Variants in AKAP9 observed in about 807,000 individuals in gnomAD.
The protein encoded by AKAP9 is A-kinase anchoring protein 9, also known as A-kinase anchor protein 9.
AKAP9 carries 311 observed loss-of-function variants against 488.5 expected under a neutral mutation model. That is an observed-to-expected ratio of 0.64 (90% CI 0.58 to 0.70). The LOEUF (loss-of-function observed/expected upper bound fraction) is 0.70. Among genes scored for constraint, AKAP9 ranks in the 30% least tolerant of loss-of-function variants. The pLI is 0.00. For synonymous variants in AKAP9, 1,462 were observed against 1,483.5 expected (o/e 0.99, Z 0.33); for missense variants, 4,215 against 4,374.5 (o/e 0.96, Z 1.03).
chr7:91,971,962 G>A (rs1382025203), intron 1 of AKAP9, among the ~76,000 whole-genome samples: 1 of 109,546 alleles, frequency 9.1e-6, no homozygotes, highest in East Asian at 2.3e-4. Flanking sequence ...TGCTCATAGA[G>A]TCTTTTATGT....
intron 8 of AKAP9, among the ~76,000 whole-genome samples, chr7:92,006,560 C>T (rs1799892866): frequency 6.6e-6 from 1 of 152,086 alleles, no homozygotes; most frequent in South Asian, 2.1e-4. Flanking sequence ...AACTTCCTGC[C>T]CGTTCATCAT....
Position 92,012,576 on chromosome 7 carries a change from G to A in AKAP9, c.3466G>A (p.Glu1156Lys). ...LKEELIFAQE[E>K]KIKELQKIHQ... ...AGAAGAGCTTATTTTTGCTCAAGAGGAAAAGATCAAGGAACTTCAGAAAAT... is the reference window on the plus strand; with the variant it reads ...AGAAGAGCTTATTTTTGCTCAAGAGAAAAAGATCAAGGAACTTCAGAAAAT... The change falls in exon 9 of 50, where the codon GAA becomes AAA. Residue 1156 changes from glutamate (E) to lysine (K), a missense_variant. By Grantham distance (56) the Glu-to-Lys change is moderately conservative. Coordinates refer to ENST00000356239, the MANE Select transcript of AKAP9 (RefSeq NM_005751.5). 6.2e-7 allele frequency: 1 copy of A among 1,613,658 alleles called. No homozygotes were observed. The highest frequency in any genetic ancestry group is 8.5e-7 in the Non-Finnish European group (1 of 1,179,838).
chr7:92,097,831 T>C (rs1481725000), intron 42 of AKAP9, 37 bp downstream of exon 42: 21 of 1,603,646 alleles, frequency 1.3e-5, no homozygotes, highest in Non-Finnish European at 1.8e-5. Flanking sequence ...GAAAGTAGTA[T>C]TCTTAGGCTG....
At chr7:91,996,700 A>C (rs986856951) in intron 7 of AKAP9, among the ~76,000 whole-genome samples, 1 of 152,212 alleles carries the variant, frequency 6.6e-6, no homozygotes, top group African/African-American at 2.4e-5. Context: ...GAACTCACAA[A>C]TATGGAATCT....
At chr7:92,016,076 A>G (rs1253303298) in intron 10 of AKAP9, 53 bp from the exon 11 acceptor site, 6 of 1,461,484 alleles carry the variant, frequency 4.1e-6, no homozygotes. Flanking sequence ...TAATCTTTAG[A>G]AGCAGAAATC....
chr7:92,014,788 T>A (rs1370127521), intron 10 of AKAP9, among the ~76,000 whole-genome samples: 3 of 152,226 alleles, frequency 2.0e-5, no homozygotes, highest in Non-Finnish European at 4.4e-5. Context: ...TAACTTAAAA[T>A]GAGCATTAAA....
chr7:92,005,385 G>A (rs554766260), intron 8 of AKAP9, among the ~76,000 whole-genome samples: 13 of 152,090 alleles, frequency 8.5e-5, no homozygotes, highest in South Asian at 2.1e-4. Flanking sequence ...GTAAAGACAC[G>A]GGTAAGTTTA....
rs368972588 is a variant in AKAP9, at chr7:91,970,191, GAAAA to G, written c.49-3514_49-3511del. 1.9e-3 allele frequency among the ~76,000 whole-genome samples: 286 copies of G among 150,480 alleles called. 1 individual carries two copies. Among genetic ancestry groups the G allele is most frequent in the Non-Finnish European group, 3.4e-3 (229 of 67,540 alleles). ...CACAAAGAAAATAATGGAAACAAAA[GAAAA>G]AAAAACCCTCTATACTCTAACTCCA... On this transcript the variant is annotated intron_variant, in intron 1 of 49. Transcript: ENST00000356239.
At chr7:91,946,526 C>T (rs1383206137) in intron 1 of AKAP9, among the ~76,000 whole-genome samples, 8 of 152,012 alleles carry the variant, frequency 5.3e-5, no homozygotes, top group Non-Finnish European at 1.2e-4. Context: ...TGTGCACCAC[C>T]ACACCTGGCT....
intron 24 of AKAP9, among the ~76,000 whole-genome samples, chr7:92,063,859 C>T (rs939389785): frequency 6.6e-6 from 1 of 152,116 alleles, no homozygotes; most frequent in African/African-American, 2.4e-5. Context: ...CGGCTCACTG[C>T]AACCTCCGCC....
chr7:91,975,622 C>T (rs1253276571), intron 2 of AKAP9, among the ~76,000 whole-genome samples: 1 of 151,844 alleles, frequency 6.6e-6, no homozygotes, highest in Admixed American at 6.5e-5. Context: ...GTTCTTTTTT[C>T]TTTTTTGTAA....
At chr7:92,009,621 G>A (rs1316101830) in intron 8 of AKAP9, among the ~76,000 whole-genome samples, 1 of 152,114 alleles carries the variant, frequency 6.6e-6, no homozygotes, top group African/African-American at 2.4e-5. Context: ...AAGGAAAGAA[G>A]AAAGGTAAGC....
At chr7:92,094,528 C>T (rs1816203246) in intron 39 of AKAP9, among the ~76,000 whole-genome samples, 2 of 146,080 alleles carry the variant, frequency 1.4e-5, no homozygotes, top group African/African-American at 2.5e-5. Flanking sequence ...AGGGAAACTC[C>T]GTCTCAAAAA....
intron 46 of AKAP9, among the ~76,000 whole-genome samples, chr7:92,104,633 A>G (rs1818231151): frequency 6.6e-6 from 1 of 152,194 alleles, no homozygotes; most frequent in Admixed American, 6.5e-5. Context: ...CAACCAGCCC[A>G]GTCTCCCAAG....
intron 26 of AKAP9, among the ~76,000 whole-genome samples, chr7:92,067,089 T>G (rs1810889261): frequency 6.6e-6 from 1 of 152,184 alleles, no homozygotes; most frequent in Non-Finnish European, 1.5e-5. Flanking sequence ...ACTCCACTGG[T>G]CTCTCTCCTC....
intron 21 of AKAP9, 124 bp from the exon 22 acceptor site, chr7:92,052,602 G>A (rs568607449): frequency 2.0e-5 from 13 of 638,408 alleles, no homozygotes; most frequent in Non-Finnish European, 3.2e-5. Flanking sequence ...TTGTTTGGTT[G>A]CAATATTGTT....
At position 92,108,689 on chromosome 7, in the gene AKAP9, CCTTT is replaced by C. The variant is rs769836517; in HGVS notation, c.11686+61_11686+64del. 7 of 1,604,714 alleles carry C rather than the reference CCTTT, an allele frequency of 4.4e-6. No individual in the cohort carries two copies. The South Asian group carries it at 4.4e-5, about 10-fold the overall frequency. On this transcript the variant is annotated intron_variant, in intron 49 of 49. Coordinates refer to ENST00000356239, the MANE Select transcript of AKAP9 (RefSeq NM_005751.5). The stretch of plus-strand genomic sequence containing the variant: ...ACCACAGTGCGAGACCCACAGCTCC[CCTTT>C]CTTTGAAATTCTTTCACACTCATTA...
intron 3 of AKAP9, among the ~76,000 whole-genome samples, chr7:91,991,295 A>G (rs997931555): frequency 7.5e-6 from 1 of 132,592 alleles, no homozygotes; most frequent in Non-Finnish European, 1.6e-5. Context: ...CTTGATATTA[A>G]TCTTTTAATT....
rs1016444894 is a variant in AKAP9, at chr7:91,998,677, A to T, written c.931-2171A>T. Among the ~76,000 whole-genome samples the T allele has an allele frequency of 7.9e-5, 12 of 152,034 alleles. No homozygotes were observed. The South Asian group carries it at 2.5e-3, about 32-fold the overall frequency. ...GGAAACAGAAAAGTTAAATTTTGTA[A>T]CATTAACATTTTTCAAACTTAGTTA... is the stretch of plus-strand genomic sequence containing the variant. On this transcript the variant is annotated intron_variant, in intron 7 of 49. Transcript: ENST00000356239.
Sources: gnomAD v4.1 joint callset for allele counts (sites outside exome capture counted in the v4.1 genomes callset) on GRCh38, gnomAD v4.1.1 for gene constraint, MANE v1.5 for transcripts, NCBI Gene and HGNC (gene_info 2026-07-23, HGNC 2026-07-21) for gene names.